ZNF587B: variants seen among roughly 807,000 people sequenced by gnomAD.
The protein encoded by ZNF587B is zinc finger protein 587B.
In ZNF587B, 6 loss-of-function variants were observed where a neutral mutation model predicts 7.2. That is an observed-to-expected ratio of 0.83 (90% CI 0.46 to 1.65). The LOEUF (loss-of-function observed/expected upper bound fraction) is 1.65. ZNF587B is among the 40% of genes most tolerant of loss of function. The probability of loss-of-function intolerance (pLI) is 0.01; values close to 1 mark genes in which losing one functional copy is unlikely to be tolerated. For synonymous variants in ZNF587B, 274 were observed against 254.3 expected (o/e 1.08, Z -0.74); for missense variants, 749 against 761.0 (o/e 0.98, Z 0.19).
rs1267606399 is a variant in ZNF587B, at chr19:57,830,562, C to G, written c.34C>G (p.Gln12Glu). The change falls in exon 1 of 3, where the codon CAG becomes GAG. Residue 12 changes from glutamine (Q) to glutamate (E), a missense_variant and splice_region_variant. By Grantham distance (29) the Gln-to-Glu change is conservative. Coordinates refer to ENST00000594901, the MANE Select transcript of ZNF587B (RefSeq NM_001376223.1). ...GGTGGCCACGCTGAGGCTCTCTGCT[C>G]AGGTAATTGTGGTGCCTTCCATGCC... Reference protein sequence around the residue: ...AVVATLRLSAQGTVTFEDVAV... With the variant: ...AVVATLRLSAEGTVTFEDVAV... 1 of 1,550,348 alleles carries G rather than the reference C, an allele frequency of 6.5e-7. No individual in the cohort carries two copies. The highest frequency in any genetic ancestry group is 8.7e-7 in the Non-Finnish European group (1 of 1,147,660).
chr19:57,841,716 C>G lies in ZNF587B; in HGVS notation c.1042C>G (p.His348Asp). ...GAACCTTAAGAGTCATCAGCGCATT[C>G]ACACTGGAGAGAGACCTTACAAGTG... Reference protein sequence around the residue: ...NVNLKSHQRIHTGERPYKCGE... With the variant: ...NVNLKSHQRIDTGERPYKCGE... Residue 348 changes from histidine to aspartate, a missense_variant, in exon 3 of 3, where the codon CAC becomes GAC. This residue lies in a region of ZNF587B where 656 missense variants were observed against 596.5 expected (regional missense o/e 1.10). Transcript: ENST00000594901. 1 of 1,607,628 alleles carries G rather than the reference C, an allele frequency of 6.2e-7. No homozygotes were observed. The highest frequency in any genetic ancestry group is 1.3e-5 in the African/African-American group (1 of 74,884).
intron 1 of ZNF587B, among the ~76,000 whole-genome samples, chr19:57,831,342 T>C (rs1353808519): frequency 6.6e-6 from 1 of 152,232 alleles, no homozygotes; most frequent in Non-Finnish European, 1.5e-5. Context: ...TAGTGAGAAC[T>C]GATAGTGGAA....
In ZNF587B at chr19:57,843,075, A is replaced by T; in HGVS notation, c.*499A>T. 1.3e-6 allele frequency: 1 copy of T among 783,810 alleles called. No individual in the cohort carries two copies. The highest frequency in any genetic ancestry group is 5.8e-5 in the South Asian group (1 of 17,186). The allele number at this position is 783,810 out of a possible 1,614,324, so 48.6% of individuals were successfully genotyped here. A position where few individuals can be genotyped will look rare whatever the true frequency, so the allele number is the denominator to read the frequency against. ...CAGTGCTGCGATCGTAGCTCACTGC[A>T]TCCTCCGCCCCCTAGGCTCAAGTGA... On this transcript the variant is annotated 3_prime_UTR_variant, in exon 3 of 3. Coordinates refer to ENST00000594901, the MANE Select transcript of ZNF587B (RefSeq NM_001376223.1).
chr19:57,838,314 A>G (rs113053886), intron 1 of ZNF587B, among the ~76,000 whole-genome samples: 1,780 of 151,942 alleles, frequency 0.012, 33 homozygotes, highest in African/African-American at 0.041. Context: ...AAGATACTTT[A>G]AATTGTGGCC....
In ZNF587B at chr19:57,844,465, G is replaced by T; in HGVS notation, c.*1889G>T. ...TGCAGTGAGCTGAGATCATGCCACT[G>T]CACTCCAGCCTGGGTCCTGCTACCT... On this transcript the variant is annotated 3_prime_UTR_variant, in exon 3 of 3. Transcript: ENST00000594901. 1 of 238,734 alleles carries T rather than the reference G, an allele frequency of 4.2e-6. No homozygotes were observed. Among genetic ancestry groups the T allele is most frequent in the South Asian group, 3.7e-5 (1 of 27,134 alleles). The allele number at this position is 238,734 out of a possible 1,614,324, so 14.8% of individuals were successfully genotyped here.
chr19:57,841,654 A>G lies in ZNF587B; in HGVS notation c.980A>G (p.Glu327Gly). Reference sequence around the variant, plus strand: ...GTTCACGCTGGAAAAGGGCCTTATGAGTGTGGAGAATGTGGGAAATCTTTT... The same window carrying G: ...GTTCACGCTGGAAAAGGGCCTTATGGGTGTGGAGAATGTGGGAAATCTTTT... ...QKVHAGKGPY[E>G]CGECGKSFSS... Residue 327 changes from glutamate (E) to glycine (G), a missense_variant, in exon 3 of 3, where the codon GAG (glutamate) becomes GGG (glycine). Physicochemically the swap from Glu to Gly is moderately conservative, Grantham distance 98. Around this residue, in one of 3 missense-constraint regions of ZNF587B, gnomAD observed 656 missense variants for 596.5 expected, o/e 1.10. Transcript: ENST00000594901. The G allele has an allele frequency of 1.2e-6, 2 of 1,602,762 alleles. No individual in the cohort carries two copies. The highest frequency in any genetic ancestry group is 2.3e-5 in the East Asian group (1 of 44,432).
chr19:57,832,344 CAA>C (rs1193909479), intron 1 of ZNF587B, among the ~76,000 whole-genome samples: 1 of 151,920 alleles, frequency 6.6e-6, no homozygotes, highest in Non-Finnish European at 1.5e-5. Context: ...CTTGGCCTCC[CAA>C]AGTGTTGGGA....
Position 57,843,590 on chromosome 19 carries a change from G to GTTTTTTTTTTTTTTTTTTTTTTTTT in ZNF587B, c.*1023_*1024insTTTTTTTTTTTTTTTTTTTTTTTTT, listed in dbSNP as rs1174938612. Reference sequence around the variant, plus strand: ...TGGTTGGTTGGTTGGTTGGTTGGTTGTTTTTTTTTGTTTTTTTTTTTTTTT... The same window carrying GTTTTTTTTTTTTTTTTTTTTTTTTT: ...TGGTTGGTTGGTTGGTTGGTTGGTTGTTTTTTTTTTTTTTTTTTTTTTTTTTTTTTTTTTGTTTTTTTTTTTTTTT... On this transcript the variant is annotated 3_prime_UTR_variant, in exon 3 of 3. Coordinates refer to ENST00000594901, the MANE Select transcript of ZNF587B (RefSeq NM_001376223.1). 2.0e-6 allele frequency: 1 copy of GTTTTTTTTTTTTTTTTTTTTTTTTT among 512,060 alleles called. No individual in the cohort carries two copies. The highest frequency in any genetic ancestry group is 2.3e-6 in the Non-Finnish European group (1 of 435,952). 31.7% of individuals were successfully genotyped at this position (512,060 alleles called of 1,614,324 possible). A position where few individuals can be genotyped will look rare whatever the true frequency, so the allele number is the denominator to read the frequency against.
intron 2 of ZNF587B, 117 bp downstream of exon 2, chr19:57,839,266 A>G (rs573476156): frequency 8.1e-5 from 120 of 1,490,500 alleles, no homozygotes; most frequent in African/African-American, 1.1e-4. Flanking sequence ...CTTCAGTTCT[A>G]TGGGTAGGTT....
chr19:57,841,628 A>G lies in ZNF587B; in HGVS notation c.954A>G (p.Lys318=). ...SLEGYLRRHQ[K]VHAGKGPYEC... Reference sequence around the variant, plus strand: ...AAGGATATCTTAGGCGCCATCAAAAAGTTCACGCTGGAAAAGGGCCTTATG... The same window carrying G: ...AAGGATATCTTAGGCGCCATCAAAAGGTTCACGCTGGAAAAGGGCCTTATG... The change falls in exon 3 of 3, where the codon AAA becomes AAG. Residue 318 remains lysine (K), a synonymous_variant. Transcript: ENST00000594901. The G allele has an allele frequency of 6.3e-7, 1 of 1,594,432 alleles. No homozygotes were observed. Among genetic ancestry groups the G allele is most frequent in the African/African-American group, 1.3e-5 (1 of 74,526 alleles).
Position 57,830,372 on chromosome 19 carries a change from G to A in ZNF587B, c.-157G>A, listed in dbSNP as rs764348558. The A allele has an allele frequency of 5.0e-5, 36 of 713,308 alleles. No homozygotes were observed. Among genetic ancestry groups the A allele is most frequent in the Non-Finnish European group, 7.6e-5 (33 of 433,708 alleles). The allele number at this position is 713,308 out of a possible 1,614,324, so 44.2% of individuals were successfully genotyped here. A position where few individuals can be genotyped will look rare whatever the true frequency, so the allele number is the denominator to read the frequency against. On this transcript the variant is annotated 5_prime_UTR_variant, in exon 1 of 3. Transcript: ENST00000594901. Reference sequence around the variant, plus strand: ...GCACTGCGGTGACTGAACCCAGAAGGCGGAGAACAGTTGTCCTCTGCTGCA... The same window carrying A: ...GCACTGCGGTGACTGAACCCAGAAGACGGAGAACAGTTGTCCTCTGCTGCA...
intron 2 of ZNF587B, among the ~76,000 whole-genome samples, chr19:57,840,075 C>CAAAAAAAAAAAAAAAAAAAAAAAAAA: frequency 1.2e-5 from 1 of 81,108 alleles, no homozygotes; most frequent in African/African-American, 4.5e-5. Flanking sequence ...ACTCTGTCTC[C>CAAAAAAAAAAAAAAAAAAAAAAAAAA]AAAAAAAAAA....
chr19:57,838,296 A>T (rs1231910411), intron 1 of ZNF587B, among the ~76,000 whole-genome samples: 2 of 148,286 alleles, frequency 1.3e-5, no homozygotes, highest in African/African-American at 2.5e-5. Context: ...AAAAAAAATA[A>T]AAAAAAAAAG....
rs1988909385 is a variant in ZNF587B, at chr19:57,842,801, C to T, written c.*225C>T. 1 of 985,216 alleles carries T rather than the reference C, an allele frequency of 1.0e-6. No individual in the cohort carries two copies. Among genetic ancestry groups the T allele is most frequent in the Non-Finnish European group, 1.2e-6 (1 of 829,930 alleles). The allele number at this position is 985,216 out of a possible 1,614,324, so 61.0% of individuals were successfully genotyped here. The stretch of plus-strand genomic sequence containing the variant: ...GATTATATTTAACACTGAATGAAGG[C>T]CTTACTAGTGTGGCAAATATAGGCT... On this transcript the variant is annotated 3_prime_UTR_variant, in exon 3 of 3. Coordinates refer to ENST00000594901, the MANE Select transcript of ZNF587B (RefSeq NM_001376223.1).
chr19:57,841,898 A>G lies in ZNF587B; in HGVS notation c.1224A>G (p.Arg408=), dbSNP rs1424117341. 1 of 1,613,672 alleles carries G rather than the reference A, an allele frequency of 6.2e-7. No homozygotes were observed. The highest frequency in any genetic ancestry group is 1.3e-5 in the African/African-American group (1 of 74,894). The change falls in exon 3 of 3, where the codon AGA becomes AGG. Residue 408 remains arginine, a synonymous_variant. Coordinates refer to ENST00000594901, the MANE Select transcript of ZNF587B (RefSeq NM_001376223.1). The part of the protein sequence containing the change: ...RIHQRMHTGE[R]PYKCGDCGKS... ...ATCAGCGCATGCACACTGGAGAAAG[A>G]CCTTACAAGTGTGGAGACTGTGGGA... is the stretch of plus-strand genomic sequence containing the variant.
intron 1 of ZNF587B, among the ~76,000 whole-genome samples, chr19:57,831,462 G>T (rs1196399934): frequency 6.6e-6 from 1 of 152,090 alleles, no homozygotes; most frequent in Non-Finnish European, 1.5e-5. Context: ...GCGTGATCTC[G>T]GCTCACCGCA....
At position 57,830,414 on chromosome 19, in the gene ZNF587B, G is replaced by T; in HGVS notation, c.-115G>T. 8.8e-7 allele frequency: 1 copy of T among 1,138,154 alleles called. No homozygotes were observed. The highest frequency in any genetic ancestry group is 1.4e-5 in the South Asian group (1 of 72,226). The allele number at this position is 1,138,154 out of a possible 1,614,324, so 70.5% of individuals were successfully genotyped here. A position where few individuals can be genotyped will look rare whatever the true frequency, so the allele number is the denominator to read the frequency against. ...TCTGCTGCACAGAGGCGACTCTGGA[G>T]CTCTGTGACGGCGCCAAGCGTGACC... On this transcript the variant is annotated 5_prime_UTR_variant, in exon 1 of 3. Coordinates refer to ENST00000594901, the MANE Select transcript of ZNF587B (RefSeq NM_001376223.1).
chr19:57,831,580 G>A (rs1346065150), intron 1 of ZNF587B, among the ~76,000 whole-genome samples: 1 of 152,056 alleles, frequency 6.6e-6, no homozygotes, highest in Non-Finnish European at 1.5e-5. Context: ...GTTTAGTAGA[G>A]ATGGAGTTTC....
chr19:57,839,207 C>T, intron 2 of ZNF587B, 58 bp downstream of exon 2: 2 of 1,600,838 alleles, frequency 1.2e-6, no homozygotes, highest in Non-Finnish European at 1.7e-6. Context: ...CCCTGTCTTT[C>T]CCCATTGGCA....
Sources: gnomAD v4.1 joint callset for allele counts (sites outside exome capture counted in the v4.1 genomes callset) on GRCh38, gnomAD v4.1.1 for gene constraint, gnomAD v4.1.1 regional missense constraint, MANE v1.5 for transcripts, NCBI Gene and HGNC (gene_info 2026-07-23, HGNC 2026-07-21) for gene names.